The following ARHGEF3 variants were observed in gnomAD, a reference collection of about 807,000 sequenced individuals.
The protein encoded by ARHGEF3 is 59.8 kDA protein.
Under a neutral mutation model 63.2 loss-of-function variants are expected in ARHGEF3, and 28 were observed. The observed-to-expected ratio is 0.44, with a 90% CI of 0.33 to 0.61. ARHGEF3 has a LOEUF of 0.61. ARHGEF3 is among the 20% of genes least tolerant of loss of function. The probability of loss-of-function intolerance (pLI) is 0.03; values close to 1 mark genes in which losing one functional copy is unlikely to be tolerated. For synonymous variants in ARHGEF3, 266 were observed against 254.2 expected, an observed-to-expected ratio of 1.05 and a Z score of -0.44; for missense variants, 533 against 659.3, an observed-to-expected ratio of 0.81 and a Z score of 2.10.
chr3:56,879,106 C>T (rs2040685902), intron 4 of ARHGEF3, among the ~76,000 whole-genome samples: 1 of 152,192 alleles, frequency 6.6e-6, no homozygotes, highest in South Asian at 2.1e-4. Flanking sequence ...CCCACTGATT[C>T]TACATTATCA....
intron 1 of ARHGEF3, among the ~76,000 whole-genome samples, chr3:56,788,964 C>T (rs112371898): frequency 0.022 from 3,305 of 152,170 alleles, 138 homozygotes; most frequent in African/African-American, 0.075. Context: ...CTAGCAGATG[C>T]CTTGCTAAGT....
intron 4 of ARHGEF3, among the ~76,000 whole-genome samples, chr3:56,877,544 TA>T (rs1485722939): frequency 2.0e-5 from 3 of 152,012 alleles, no homozygotes; most frequent in Non-Finnish European, 4.4e-5. Context: ...GCTAATTTTT[TA>T]TTTTTTTTGT....
chr3:56,960,762 A>T (rs890004463), intron 2 of ARHGEF3: 6 of 152,228 alleles, frequency 3.9e-5, no homozygotes, highest in African/African-American at 2.4e-5. Flanking sequence ...GACAGAGAAC[A>T]TGTGGGTGGT....
At position 57,018,278 on chromosome 3, in the gene ARHGEF3, C is replaced by CA. The variant is rs57400379; in HGVS notation, c.62+16809dup. Among the ~76,000 whole-genome samples the CA allele has an allele frequency of 4.5e-3, 505 of 111,632 alleles. 8 individuals are homozygous for CA. The highest frequency in any genetic ancestry group is 8.7e-3 in the East Asian group (31 of 3,580). 73.2% of individuals were successfully genotyped at this position (111,632 alleles called of 152,430 possible). ...TGGGTGACAGAGCAAGGCTCTGTCA[C>CA]AAAAAAAAAAAAAAAAAAAACTTTA... On this transcript the variant is annotated intron_variant, in intron 2 of 12. Coordinates refer to the ARHGEF3 transcript ENST00000338458.
chr3:56,758,387 C>T (rs973612579), intron 2 of ARHGEF3, among the ~76,000 whole-genome samples: 4 of 151,416 alleles, frequency 2.6e-5, no homozygotes, highest in African/African-American at 9.7e-5. Flanking sequence ...CTGAGGAGTT[C>T]GAGACCACTC....
intron 4 of ARHGEF3, among the ~76,000 whole-genome samples, chr3:56,851,410 TAACAG>T (rs2039670995): frequency 1.3e-5 from 2 of 152,206 alleles, no homozygotes. Flanking sequence ...TGTGTTGCTG[TAACAG>T]AATACCACAG....
intron 2 of ARHGEF3, among the ~76,000 whole-genome samples, chr3:56,970,052 G>A (rs1251287649): frequency 6.6e-6 from 1 of 152,156 alleles, no homozygotes; most frequent in African/African-American, 2.4e-5. Flanking sequence ...GGAATGAGGA[G>A]TGACTGCTTA....
At chr3:56,848,410 C>T (rs368773702) in intron 4 of ARHGEF3, among the ~76,000 whole-genome samples, 17 of 152,170 alleles carry the variant, frequency 1.1e-4, no homozygotes, top group African/African-American at 2.9e-4. Context: ...CTCAGACCCT[C>T]GGTCTCCCCA....
At chr3:56,818,250 C>G (rs1398140681) in intron 4 of ARHGEF3, among the ~76,000 whole-genome samples, 1 of 152,128 alleles carries the variant, frequency 6.6e-6, no homozygotes, top group African/African-American at 2.4e-5. Flanking sequence ...TTCTGAAATT[C>G]TCCTGAAAAT....
At chr3:56,900,025 C>T (rs1448127970) in intron 3 of ARHGEF3, among the ~76,000 whole-genome samples, 1 of 152,138 alleles carries the variant, frequency 6.6e-6, no homozygotes, top group Non-Finnish European at 1.5e-5. Flanking sequence ...TCTTCCTTCC[C>T]CTTTTTGGGA....
intron 3 of ARHGEF3, among the ~76,000 whole-genome samples, chr3:56,888,873 A>G (rs2041015954): frequency 1.3e-5 from 2 of 152,000 alleles, no homozygotes; most frequent in Admixed American, 1.3e-4. Context: ...ATTGCACTCC[A>G]GCCTGGGCAA....
At position 56,728,274 on chromosome 3, in the gene ARHGEF3, C is replaced by G. The variant is rs1187722803; in HGVS notation, c.*996G>C. 6.6e-6 allele frequency: 1 copy of G among 152,658 alleles called. No individual in the cohort carries two copies. Among genetic ancestry groups the G allele is most frequent in the Non-Finnish European group, 1.5e-5 (1 of 68,042 alleles). The allele number at this position is 152,658 out of a possible 1,614,324, so 9.5% of individuals were successfully genotyped here. A position where few individuals can be genotyped will look rare whatever the true frequency, so the allele number is the denominator to read the frequency against. The stretch of plus-strand genomic sequence containing the variant: ...AAGCTCTGGCCTTTCTCAGAAGGCA[C>G]TGGACCATGCTTTTCTCTCAATGGC... On this transcript the variant is annotated 3_prime_UTR_variant, in exon 10 of 10. Transcript: ENST00000296315.
chr3:57,002,523 G>GTTATATATATATA (rs1560123186), intron 2 of ARHGEF3, among the ~76,000 whole-genome samples: 2 of 27,628 alleles, frequency 7.2e-5, no homozygotes, highest in Non-Finnish European at 1.8e-4. Flanking sequence ...TGTTATATAT[G>GTTATATATATATA]TATGTTATAT....
intron 2 of ARHGEF3, among the ~76,000 whole-genome samples, chr3:56,767,074 C>T (rs1007568749): frequency 6.6e-6 from 1 of 151,386 alleles, no homozygotes; most frequent in African/African-American, 2.4e-5. Flanking sequence ...CTTTGGGAGG[C>T]CAGGGTGGTA....
rs1483894826 is a variant in ARHGEF3 at position 56,754,965 on chromosome 3, T to TG, written c.375+15dup. On this transcript the variant is annotated intron_variant, in intron 3 of 9. Coordinates refer to ENST00000296315, the MANE Select transcript of ARHGEF3 (RefSeq NM_019555.3). ...TGTTCCAGACACACAGCCAGCTCCATGGGCCCCGAGCCTACCTCCTGACGT... is the reference window on the plus strand; with the variant it reads ...TGTTCCAGACACACAGCCAGCTCCATGGGGCCCCGAGCCTACCTCCTGACGT... The TG allele has an allele frequency of 1.9e-6, 3 of 1,614,074 alleles. No homozygotes were observed. In the South Asian group the frequency reaches 3.3e-5, roughly 18 times the overall value.
At chr3:56,775,038 C>T (rs1346829646) in intron 1 of ARHGEF3, 1 of 1,551,096 alleles carries the variant, frequency 6.4e-7, no homozygotes, top group Admixed American at 2.0e-5. Context: ...GTAGTAGATG[C>T]TAGACAGCAC....
intron 1 of ARHGEF3, among the ~76,000 whole-genome samples, chr3:56,794,864 CT>C (rs894050861): frequency 6.6e-6 from 1 of 150,842 alleles, no homozygotes; most frequent in East Asian, 1.9e-4. Context: ...CTGATATTTT[CT>C]TTTTTTTTCT....
At chr3:56,801,630 C>T in intron 1 of ARHGEF3, 73 bp downstream of exon 1, 1 of 1,516,750 alleles carries the variant, frequency 6.6e-7, no homozygotes, top group South Asian at 1.2e-5. Flanking sequence ...GGACGGGCGC[C>T]GAGAATGGGA....
chr3:56,955,536 G>A (rs1700008043), intron 3 of ARHGEF3, among the ~76,000 whole-genome samples: 1 of 152,154 alleles, frequency 6.6e-6, no homozygotes, highest in Admixed American at 6.5e-5. Context: ...GAATGAAATT[G>A]CAAATGCTGA....
Sources: allele counts gnomAD v4.1 joint callset (sites outside exome capture counted in the v4.1 genomes callset), GRCh38; gene constraint gnomAD v4.1.1; transcripts MANE v1.5; gene names NCBI Gene and HGNC (gene_info 2026-07-23, HGNC 2026-07-21).